RIOK1: variants seen among roughly 807,000 people sequenced by gnomAD.
The protein encoded by RIOK1 is RIO kinase 1.
In RIOK1, 66 loss-of-function variants were observed where a neutral mutation model predicts 73.5. That is an observed-to-expected ratio of 0.90 (90% CI 0.74 to 1.10). The LOEUF (loss-of-function observed/expected upper bound fraction) is 1.10. RIOK1 is among the 50% of genes least tolerant of loss of function. The pLI is 0.00. For missense variants in RIOK1, 658 were observed against 699.8 expected (o/e 0.94, Z 0.67); for synonymous variants, 224 against 226.8 (o/e 0.99, Z 0.11).
chr6:7,399,568 CA>C (rs1423207571), intron 5 of RIOK1, among the ~76,000 whole-genome samples: 1 of 152,196 alleles, frequency 6.6e-6, no homozygotes, highest in African/African-American at 2.4e-5. Flanking sequence ...TGATAGAGTA[CA>C]TAGCTGGAGT....
Position 7,401,013 on chromosome 6 carries a change from T to A in RIOK1, c.536T>A (p.Ile179Lys). ...TTCAAGATGTTGACTAGAGGAATCA[T>A]AACAGAGATAAATGGCTGCATTAGC... is the stretch of plus-strand genomic sequence containing the variant. Reference protein sequence around the residue: ...ILFKMLTRGIITEINGCISTG... With the variant: ...ILFKMLTRGIKTEINGCISTG... Residue 179 changes from isoleucine (I) to lysine (K), a missense_variant, in exon 6 of 17, where the codon ATA becomes AAA. Ile to Lys is a moderately radical substitution (Grantham distance 102). Transcript: ENST00000379834. 6.2e-7 allele frequency: 1 copy of A among 1,610,720 alleles called. No homozygotes were observed. The highest frequency in any genetic ancestry group is 2.2e-5 in the East Asian group (1 of 44,776).
At chr6:7,398,629 A>C in intron 4 of RIOK1, 69 bp from the exon 5 acceptor site, 1 of 1,147,818 alleles carries the variant, frequency 8.7e-7, no homozygotes, top group Non-Finnish European at 1.3e-6. Context: ...GAAATTATCT[A>C]CATTTAGAAG....
chr6:7,391,917 C>G lies in RIOK1; in HGVS notation c.72-1182C>G, dbSNP rs183791064. Among the ~76,000 whole-genome samples, 145 of 152,300 alleles carry G rather than the reference C, an allele frequency of 9.5e-4. No individual in the cohort carries two copies. In the Middle Eastern group the frequency reaches 0.01, roughly 11 times the overall value. On this transcript the variant is annotated intron_variant, in intron 1 of 16. Coordinates refer to ENST00000379834, the MANE Select transcript of RIOK1 (RefSeq NM_031480.3). Reference sequence around the variant, plus strand: ...TTTGATGATTGTCTGTTTTCTTCCTCCACATGTCCACGGGGAACCCTCAGA... The same window carrying G: ...TTTGATGATTGTCTGTTTTCTTCCTGCACATGTCCACGGGGAACCCTCAGA...
chr6:7,403,163 G>T (rs148039372), intron 8 of RIOK1, among the ~76,000 whole-genome samples: 1 of 152,330 alleles, frequency 6.6e-6, no homozygotes, highest in African/African-American at 2.4e-5. Context: ...AGATCATTTG[G>T]AAGGCCTTGT....
intron 4 of RIOK1, among the ~76,000 whole-genome samples, chr6:7,397,806 C>T (rs1761510074): frequency 1.3e-5 from 2 of 152,162 alleles, no homozygotes; most frequent in Non-Finnish European, 2.9e-5. Context: ...TAAGCAGAAG[C>T]AAATCAGAGT....
chr6:7,392,987 A>G lies in RIOK1; in HGVS notation c.72-112A>G, dbSNP rs1019863550. The G allele has an allele frequency of 7.6e-6, 10 of 1,313,982 alleles. No homozygotes were observed. In the African/African-American group the frequency reaches 8.9e-5, roughly 12 times the overall value. The allele number at this position is 1,313,982 out of a possible 1,614,324, so 81.4% of individuals were successfully genotyped here. On this transcript the variant is annotated intron_variant, in intron 1 of 16. Transcript: ENST00000379834. ...ATCGGAAGGTGTATTTTATATAAAT[A>G]TATAATCTTTTAGATTTATCAATAT...
intron 4 of RIOK1, 119 bp downstream of exon 4, chr6:7,396,891 T>TGGTG: frequency 2.3e-6 from 1 of 442,226 alleles, no homozygotes; most frequent in Non-Finnish European, 3.9e-6. Context: ...ATCATTATTT[T>TGGTG]GGTGTGTGTG....
chr6:7,409,761 T>C (rs921781917), intron 12 of RIOK1, among the ~76,000 whole-genome samples: 1 of 146,018 alleles, frequency 6.8e-6, no homozygotes, highest in African/African-American at 2.5e-5. Flanking sequence ...TGAGCCACTG[T>C]GCCTGGGTCA....
intron 12 of RIOK1, among the ~76,000 whole-genome samples, chr6:7,407,270 T>C (rs1194766038): frequency 6.6e-6 from 1 of 152,228 alleles, no homozygotes; most frequent in Non-Finnish European, 1.5e-5. Flanking sequence ...CACAAGGGTT[T>C]TAATCGCTCC....
chr6:7,411,274 G>A (rs1022156778), intron 13 of RIOK1, 58 bp from the exon 14 acceptor site: 1 of 1,585,688 alleles, frequency 6.3e-7, no homozygotes, highest in Admixed American at 1.7e-5. Context: ...GGAGTATGCT[G>A]TGTGAATGTG....
At position 7,414,245 on chromosome 6, in the gene RIOK1, C is replaced by T. The variant is rs781276607; in HGVS notation, c.1451C>T (p.Ala484Val). 1 of 1,611,618 alleles carries T rather than the reference C, an allele frequency of 6.2e-7. No individual in the cohort carries two copies. The highest frequency in any genetic ancestry group is 8.5e-7 in the Non-Finnish European group (1 of 1,179,126). ...KDLSGVQKVP[A>V]LLENQVEERT... ...TTCTTTAATAATTTCAAGGTCCCTG[C>T]ACTCCTAGAAAATCAAGTGGAGGAA... The change falls in exon 16 of 17, where the codon GCA becomes GTA. Residue 484 changes from alanine to valine, a missense_variant. Ala to Val is a moderately conservative substitution (Grantham distance 64). Coordinates refer to ENST00000379834, the MANE Select transcript of RIOK1 (RefSeq NM_031480.3).
chr6:7,400,806 A>G, intron 5 of RIOK1, 152 bp from the exon 6 acceptor site: 1 of 548,706 alleles, frequency 1.8e-6, no homozygotes, highest in South Asian at 2.4e-5. Context: ...TAACAATTAG[A>G]GTGAATAAAA....
chr6:7,412,075 G>A (rs370908870), intron 14 of RIOK1, among the ~76,000 whole-genome samples: 24 of 152,290 alleles, frequency 1.6e-4, no homozygotes, highest in African/African-American at 5.3e-4. Flanking sequence ...AAAACTACCA[G>A]GTAGGCTGGG....
intron 12 of RIOK1, among the ~76,000 whole-genome samples, chr6:7,408,612 A>C (rs1761806979): frequency 1.3e-5 from 2 of 152,206 alleles, no homozygotes; most frequent in East Asian, 1.9e-4. Flanking sequence ...CTCTATTGCC[A>C]AGTACCCAAT....
chr6:7,408,893 G>A (rs886499916), intron 12 of RIOK1, among the ~76,000 whole-genome samples: 1 of 150,928 alleles, frequency 6.6e-6, no homozygotes, highest in Non-Finnish European at 1.5e-5. Flanking sequence ...AGCTAATTTT[G>A]TATTTTTAGT....
At chr6:7,391,387 A>G (rs557918062) in intron 1 of RIOK1, among the ~76,000 whole-genome samples, 1 of 152,298 alleles carries the variant, frequency 6.6e-6, no homozygotes, top group African/African-American at 2.4e-5. Flanking sequence ...AATAGGGAAG[A>G]CTTCCTTGAG....
Position 7,402,688 on chromosome 6 carries a change from G to T in RIOK1, c.659G>T (p.Arg220Leu). The T allele has an allele frequency of 6.2e-7, 1 of 1,611,152 alleles. No individual in the cohort carries two copies. The highest frequency in any genetic ancestry group is 8.5e-7 in the Non-Finnish European group (1 of 1,178,264). The change falls in exon 7 of 17, where the codon CGG becomes CTG. Residue 220 changes from arginine (R) to leucine (L), a missense_variant. Coordinates refer to ENST00000379834, the MANE Select transcript of RIOK1 (RefSeq NM_031480.3). The part of the protein sequence containing the change: ...YKTSILVFKD[R>L]DKYVSGEFRF... ...ACTTCTATTTTGGTGTTCAAAGATC[G>T]GGATAAATATGTAAGTGGAGAATTC...
At chr6:7,401,600 A>C (rs1581715366) in intron 6 of RIOK1, among the ~76,000 whole-genome samples, 1 of 151,840 alleles carries the variant, frequency 6.6e-6, no homozygotes, top group Non-Finnish European at 1.5e-5. Flanking sequence ...GCAATTATTT[A>C]AAAGTGTAAA....
At chr6:7,409,442 C>T (rs997408242) in intron 12 of RIOK1, among the ~76,000 whole-genome samples, 4 of 151,940 alleles carry the variant, frequency 2.6e-5, no homozygotes, top group Non-Finnish European at 5.9e-5. Flanking sequence ...TTAGTAGAGA[C>T]GGGTTTTCAC....
Sources: gnomAD v4.1 joint callset for allele counts (sites outside exome capture counted in the v4.1 genomes callset) on GRCh38, gnomAD v4.1.1 for gene constraint, MANE v1.5 for transcripts, NCBI Gene and HGNC (gene_info 2026-07-23, HGNC 2026-07-21) for gene names.